The following ZBTB45 variants were observed in gnomAD, a reference collection of about 807,000 sequenced individuals.
The protein encoded by ZBTB45 is zinc finger and BTB domain-containing protein 45.
Under a neutral mutation model 28.4 loss-of-function variants are expected in ZBTB45, and 22 were observed. The ratio of observed to expected loss-of-function variants is 0.77; its 90% confidence interval spans 0.55 to 1.10. The LOEUF is 1.10. Ranked by LOEUF, ZBTB45 falls within the 50% of genes least tolerant of loss-of-function variation. The pLI is 0.00. For missense variants in ZBTB45, 656 were observed against 750.2 expected (o/e 0.87, Z 1.47); for synonymous variants, 361 against 332.3 (o/e 1.09, Z -0.94).
intron 1 of ZBTB45, among the ~76,000 whole-genome samples, chr19:58,536,596 T>G (rs902053895): frequency 6.6e-6 from 1 of 151,926 alleles, no homozygotes; most frequent in Admixed American, 6.6e-5. Flanking sequence ...TGAGCCAAGA[T>G]TGCGCCACTG....
upstream of ZBTB45, among the ~76,000 whole-genome samples, chr19:58,521,080 AAAG>A (rs1568647132): frequency 3.7e-4 from 24 of 64,626 alleles, no homozygotes; most frequent in African/African-American, 4.7e-4. Flanking sequence ...AAAAAAAAAA[AAAG>A]GCCGGGCGCG....
rs1239814246 is a variant in ZBTB45 at position 58,516,380 on chromosome 19, C to G, written c.1279+15G>C. On this transcript the variant is annotated intron_variant, in intron 2 of 2. Transcript: ENST00000594051. The surrounding 1 kb of genome is among the most constrained non-coding windows in gnomAD (Gnocchi z 6.2). ...GATGAGAGATTGCTCCCTCTCCTCC[C>G]CCGCCCTGGCTCACCCGAGTGGATG... is the stretch of plus-strand genomic sequence containing the variant. The G allele has an allele frequency of 6.2e-7, 1 of 1,613,874 alleles. No individual in the cohort carries two copies. The highest frequency in any genetic ancestry group is 1.7e-5 in the Admixed American group (1 of 60,000).
rs574591492 is a variant in ZBTB45 at position 58,513,647 on chromosome 19, G to A, written c.*407C>T. On this transcript the variant is annotated 3_prime_UTR_variant, in exon 3 of 3. Transcript: ENST00000594051. The stretch of plus-strand genomic sequence containing the variant: ...TTAGGCGCCCCATGAGGGAGTAACA[G>A]CTTGGGTAGAGAGCTAGGGACCTTG... 3.2e-5 allele frequency: 6 copies of A among 186,080 alleles called. No homozygotes were observed. Among genetic ancestry groups the A allele is most frequent in the South Asian group, 1.8e-4 (1 of 5,480 alleles). The allele number at this position is 186,080 out of a possible 1,614,324, so 11.5% of individuals were successfully genotyped here.
intron 1 of ZBTB45, among the ~76,000 whole-genome samples, chr19:58,537,190 C>G (rs529992672): frequency 3.2e-4 from 49 of 152,160 alleles, no homozygotes; most frequent in Admixed American, 7.9e-4. Flanking sequence ...TCTCCCTTCC[C>G]CGACTGGTGT....
At chr19:58,517,866 C>T (rs188768254) in intron 1 of ZBTB45, among the ~76,000 whole-genome samples, 193 bp from the exon 2 acceptor site, 13 of 151,810 alleles carry the variant, frequency 8.6e-5, no homozygotes, top group Non-Finnish European at 1.8e-4. Flanking sequence ...ACTCCCTCCT[C>T]CCCCTACCTC....
intron 1 of ZBTB45, among the ~76,000 whole-genome samples, chr19:58,533,807 C>A (rs577198337): frequency 1.1e-4 from 16 of 152,186 alleles, no homozygotes; most frequent in Admixed American, 2.6e-4. Context: ...AAGCCACATA[C>A]GGTATTGCCC....
intron 2 of ZBTB45, 29 bp from the exon 3 acceptor site, chr19:58,514,339 C>T: frequency 3.8e-6 from 6 of 1,577,810 alleles, no homozygotes; most frequent in Non-Finnish European, 5.2e-6. Flanking sequence ...GCCGCGAACG[C>T]AAGTCAGACT....
At chr19:58,526,742 G>A (rs979708175) in intron 1 of ZBTB45, among the ~76,000 whole-genome samples, 12 of 148,482 alleles carry the variant, frequency 8.1e-5, no homozygotes, top group Non-Finnish European at 1.8e-4. Flanking sequence ...CGTTTTAGCC[G>A]GGATGGTCTC....
Position 58,517,093 on chromosome 19 carries a change from T to C in ZBTB45, c.581A>G (p.Asp194Gly). ...GGCCGCGGACAGTGAGGGGTCAGCA[T>C]CAGGCCCCTCAGCCTTGGCAGGTGT... ...PPTPAKAEGP[D>G]ADPSLSAAPD... The change falls in exon 2 of 3, where the codon GAT becomes GGT. Residue 194 changes from aspartate (D) to glycine (G), a missense_variant. Coordinates refer to ENST00000594051, the MANE Select transcript of ZBTB45 (RefSeq NM_001316979.2). The C allele has an allele frequency of 6.2e-7, 1 of 1,613,086 alleles. No homozygotes were observed.
At chr19:58,523,664 T>C (rs1279813752), upstream of ZBTB45, among the ~76,000 whole-genome samples, 4 of 147,764 alleles carry the variant, frequency 2.7e-5, no homozygotes, top group African/African-American at 1.0e-4. Flanking sequence ...CAAGACTCCA[T>C]CTTTTTTGTT....
rs201419323 is a variant in ZBTB45, at chr19:58,516,728, C to T, written c.946G>A (p.Gly316Arg). ...TPVQPDCILS[G>R]SRPPGVKTPG... ...GTCTTCACACCAGGCGGGCGGGATC[C>T]AGACAGTATGCAGTCGGGCTGGACA... Residue 316 changes from glycine to arginine, a missense_variant, in exon 2 of 3, where the codon GGA becomes AGA. Physicochemically the swap from Gly to Arg is moderately radical, Grantham distance 125. Coordinates refer to ENST00000594051, the MANE Select transcript of ZBTB45 (RefSeq NM_001316979.2). The surrounding 1 kb of genome is among the most constrained non-coding windows in gnomAD (Gnocchi z 6.2). 233 of 1,607,566 alleles carry T rather than the reference C, an allele frequency of 1.4e-4. 2 individuals carry two copies. Among genetic ancestry groups the T allele is most frequent in the Non-Finnish European group, 1.5e-4 (173 of 1,176,390 alleles).
At chr19:58,530,828 C>T (rs191575219) in intron 1 of ZBTB45, among the ~76,000 whole-genome samples, 8 of 152,136 alleles carry the variant, frequency 5.3e-5, no homozygotes, top group South Asian at 2.1e-4. Context: ...GGACTACAGG[C>T]GCCCGCCACC....
intron 1 of ZBTB45, among the ~76,000 whole-genome samples, chr19:58,531,971 G>C (rs1401940624): frequency 6.6e-6 from 1 of 152,046 alleles, no homozygotes; most frequent in Non-Finnish European, 1.5e-5. Flanking sequence ...AGGAGCCCTG[G>C]TTCCTATTAG....
At chr19:58,533,918 A>G (rs2053647050) in intron 1 of ZBTB45, among the ~76,000 whole-genome samples, 1 of 152,194 alleles carries the variant, frequency 6.6e-6, no homozygotes, top group African/African-American at 2.4e-5. Context: ...GACCCTACAC[A>G]ACAAGGGCCG....
upstream of ZBTB45, among the ~76,000 whole-genome samples, chr19:58,522,142 G>A (rs2053582150): frequency 6.6e-6 from 1 of 151,002 alleles, no homozygotes. Flanking sequence ...GGACAACATG[G>A]TGAAACCCCG....
chr19:58,520,341 A>T (rs1037369267), upstream of ZBTB45: 4 of 152,070 alleles, frequency 2.6e-5, no homozygotes, highest in Non-Finnish European at 5.9e-5. Flanking sequence ...CAACTGCCTC[A>T]CCCTGCTCTG....
At chr19:58,526,852 G>A (rs1373539306) in intron 1 of ZBTB45, among the ~76,000 whole-genome samples, 1 of 151,896 alleles carries the variant, frequency 6.6e-6, no homozygotes, top group African/African-American at 2.4e-5. Flanking sequence ...TTTTGAGACA[G>A]GGTTTCACTC....
At chr19:58,530,067 A>T (rs969476826) in intron 1 of ZBTB45, among the ~76,000 whole-genome samples, 6 of 152,056 alleles carry the variant, frequency 3.9e-5, no homozygotes, top group Non-Finnish European at 8.8e-5. Flanking sequence ...GCCAAGCATG[A>T]TGGTGCATGC....
upstream of ZBTB45, among the ~76,000 whole-genome samples, chr19:58,523,226 C>T (rs1378492530): frequency 6.6e-6 from 1 of 152,088 alleles, no homozygotes; most frequent in Non-Finnish European, 1.5e-5. Flanking sequence ...TTTTCCTTTT[C>T]TCTCTAAAGA....
Sources: gnomAD v4.1 joint callset for allele counts (sites outside exome capture counted in the v4.1 genomes callset) on GRCh38, gnomAD v4.1.1 for gene constraint, Gnocchi (gnomAD v3.1) non-coding constraint, MANE v1.5 for transcripts, NCBI Gene and HGNC (gene_info 2026-07-23, HGNC 2026-07-21) for gene names.